Variants in CPNE4 observed in about 807,000 individuals in gnomAD.
The protein encoded by CPNE4 is copine 4, also known as copine-4.
CPNE4 carries 25 observed loss-of-function variants against 67.9 expected under a neutral mutation model. That is an observed-to-expected ratio of 0.37 (90% CI 0.27 to 0.51). CPNE4 has a LOEUF of 0.51. Among genes scored for constraint, CPNE4 ranks in the 20% least tolerant of loss-of-function variants. CPNE4 has a pLI of 0.93. For synonymous variants in CPNE4, 242 were observed against 244.9 expected (o/e 0.99, Z 0.11); for missense variants, 464 against 690.8 (o/e 0.67, Z 3.68).
chr3:131,756,539 G>A (rs1161253937), intron 2 of CPNE4, among the ~76,000 whole-genome samples: 1 of 152,174 alleles, frequency 6.6e-6, no homozygotes, highest in Non-Finnish European at 1.5e-5. Flanking sequence ...ACCTTGGGAT[G>A]GGAAAAATGA....
At chr3:131,792,420 T>C (rs144130069) in intron 2 of CPNE4, among the ~76,000 whole-genome samples, 2 of 151,556 alleles carry the variant, frequency 1.3e-5, no homozygotes, top group African/African-American at 4.8e-5. Context: ...CCGAAAACTA[T>C]GTCCACATTT....
chr3:132,021,717 C>T (rs72996806), intron 1 of CPNE4, among the ~76,000 whole-genome samples: 1 of 152,164 alleles, frequency 6.6e-6, no homozygotes, highest in African/African-American at 2.4e-5. Context: ...CTGCAGACTT[C>T]AAGTTTGCCT....
At chr3:131,925,885 G>C (rs967821602) in intron 1 of CPNE4, among the ~76,000 whole-genome samples, 2 of 150,838 alleles carry the variant, frequency 1.3e-5, no homozygotes, top group African/African-American at 2.4e-5. Context: ...CATTTATTGA[G>C]AATTTCAGGG....
At chr3:131,998,811 TTATGC>T (rs1168335456) in intron 1 of CPNE4, among the ~76,000 whole-genome samples, 1 of 152,150 alleles carries the variant, frequency 6.6e-6, no homozygotes, top group African/African-American at 2.4e-5. Flanking sequence ...CTACTACATA[TTATGC>T]TATTTTTCAC....
chr3:131,725,030 T>C (rs546744904), intron 2 of CPNE4, among the ~76,000 whole-genome samples: 1 of 152,348 alleles, frequency 6.6e-6, no homozygotes, highest in East Asian at 1.9e-4. Context: ...GGAACCTCTA[T>C]GTACTGTCAG....
intron 7 of CPNE4, among the ~76,000 whole-genome samples, chr3:131,612,119 A>T (rs910163746): frequency 3.3e-5 from 5 of 152,132 alleles, no homozygotes; most frequent in African/African-American, 7.2e-5. Context: ...CATGCCTATA[A>T]TCTCAGCACT....
intron 2 of CPNE4, among the ~76,000 whole-genome samples, chr3:131,765,857 G>A (rs1182542527): frequency 2.0e-5 from 3 of 152,050 alleles, no homozygotes; most frequent in Non-Finnish European, 2.9e-5. Flanking sequence ...ATATGAGGAA[G>A]GGGAAGCTTC....
chr3:131,841,072 G>C (rs2085763069), intron 2 of CPNE4, among the ~76,000 whole-genome samples: 1 of 152,104 alleles, frequency 6.6e-6, no homozygotes, highest in Non-Finnish European at 1.5e-5. Context: ...AGCTCAAATG[G>C]TTAGACAGAA....
chr3:131,826,413 CT>C (rs2085161858), intron 2 of CPNE4, among the ~76,000 whole-genome samples: 1 of 152,006 alleles, frequency 6.6e-6, no homozygotes, highest in Admixed American at 6.6e-5. Context: ...GCCCAGGCTG[CT>C]CTCAAACTCC....
At chr3:131,815,455 C>A (rs1288000084) in intron 2 of CPNE4, among the ~76,000 whole-genome samples, 3 of 152,172 alleles carry the variant, frequency 2.0e-5, no homozygotes, top group African/African-American at 2.4e-5. Context: ...CGTGAGGGAG[C>A]AGGATACAGG....
intron 1 of CPNE4, among the ~76,000 whole-genome samples, chr3:131,954,741 C>T (rs182357040): frequency 2.6e-4 from 39 of 152,180 alleles, no homozygotes; most frequent in African/African-American, 8.7e-4. Flanking sequence ...TGAGAACATG[C>T]GGTGTTTGGT....
intron 3 of CPNE4, among the ~76,000 whole-genome samples, chr3:131,718,345 C>T (rs913388099): frequency 6.6e-6 from 1 of 152,160 alleles, no homozygotes; most frequent in African/African-American, 2.4e-5. Context: ...GACCTCAGTG[C>T]ATCAAGTCCA....
At chr3:131,965,529 T>C (rs1193685696) in intron 1 of CPNE4, among the ~76,000 whole-genome samples, 1 of 151,862 alleles carries the variant, frequency 6.6e-6, no homozygotes. Context: ...GATGGAGGAA[T>C]ATTTACTAAG....
At chr3:131,741,123 C>G (rs561637271) in intron 2 of CPNE4, among the ~76,000 whole-genome samples, 2 of 152,298 alleles carry the variant, frequency 1.3e-5, no homozygotes, top group East Asian at 3.9e-4. Context: ...TTCTCCTTAG[C>G]ACTTATTACT....
intron 3 of CPNE4, among the ~76,000 whole-genome samples, chr3:131,714,721 T>C (rs1477382427): frequency 1.3e-5 from 2 of 152,190 alleles, no homozygotes; most frequent in Non-Finnish European, 2.9e-5. Context: ...TTTTGAATCA[T>C]AACTCTGGGG....
chr3:131,830,971 T>A (rs1488716032), intron 2 of CPNE4, among the ~76,000 whole-genome samples: 1 of 152,098 alleles, frequency 6.6e-6, no homozygotes, highest in Admixed American at 6.6e-5. Context: ...TTAGAAAATA[T>A]ATTTAAATAT....
intron 2 of CPNE4, among the ~76,000 whole-genome samples, chr3:131,826,615 C>A (rs1275408697): frequency 1.3e-5 from 2 of 151,992 alleles, no homozygotes; most frequent in Non-Finnish European, 2.9e-5. Context: ...TCCCTATCTT[C>A]CCTATTCTTT....
chr3:131,639,669 C>T (rs948488287), intron 7 of CPNE4, among the ~76,000 whole-genome samples: 5 of 152,056 alleles, frequency 3.3e-5, no homozygotes, highest in East Asian at 1.9e-4. Context: ...ACGCCAGCAT[C>T]GCCCTAATAC....
At chr3:131,688,409 A>G (rs1050417856) in intron 5 of CPNE4, among the ~76,000 whole-genome samples, 3 of 152,124 alleles carry the variant, frequency 2.0e-5, no homozygotes, top group African/African-American at 7.2e-5. Context: ...TCTCAGATGC[A>G]CTTCTAGCTG....
Sources: allele counts gnomAD v4.1 joint callset (sites outside exome capture counted in the v4.1 genomes callset), GRCh38; gene constraint gnomAD v4.1.1; transcripts MANE v1.5; gene names NCBI Gene and HGNC (gene_info 2026-07-23, HGNC 2026-07-21).